PID1: variants seen among roughly 807,000 people sequenced by gnomAD.
PID1 encodes the protein phosphotyrosine interaction domain containing 1, also known as PTB-containing, cubilin and LRP1-interacting protein.
PID1 carries 10 observed loss-of-function variants against 19.1 expected under a neutral mutation model. The observed-to-expected ratio is 0.52, with a 90% confidence interval of 0.32 to 0.89. The LOEUF (loss-of-function observed/expected upper bound fraction) is 0.89, where lower values mean the gene tolerates loss of function less well. Among genes scored for constraint, PID1 ranks in the 40% least tolerant of loss-of-function variants. The pLI is 0.03. For synonymous variants in PID1, 130 were observed against 116.0 expected, an observed-to-expected ratio of 1.12 and a Z score of -0.78; for missense variants, 248 against 285.3, an observed-to-expected ratio of 0.87 and a Z score of 0.94.
chr2:229,208,495 T>C (rs1691657180), intron 1 of PID1, among the ~76,000 whole-genome samples: 1 of 152,192 alleles, frequency 6.6e-6, no homozygotes, highest in Non-Finnish European at 1.5e-5. Flanking sequence ...GAATAGGGAT[T>C]ATGAAACATA....
At chr2:229,199,745 T>TATATATATATATATATATATATAC (rs1491155550) in intron 1 of PID1, among the ~76,000 whole-genome samples, 3 of 122,536 alleles carry the variant, frequency 2.4e-5, no homozygotes, top group Non-Finnish European at 5.4e-5. Context: ...TATATATATA[T>TATATATATATATATATATATATAC]ACACATACAC....
chr2:229,256,498 T>C (rs1169355341), intron 1 of PID1, among the ~76,000 whole-genome samples: 1 of 152,210 alleles, frequency 6.6e-6, no homozygotes, highest in Non-Finnish European at 1.5e-5. Context: ...GCTGTCTTCT[T>C]CCTTCACTTG....
chr2:229,176,606 T>C (rs757328793), intron 1 of PID1, among the ~76,000 whole-genome samples: 1 of 152,250 alleles, frequency 6.6e-6, no homozygotes, highest in Non-Finnish European at 1.5e-5. Context: ...ACATCTACTA[T>C]GTTGTCTGTT....
At chr2:229,179,844 C>G (rs997919414) in intron 1 of PID1, among the ~76,000 whole-genome samples, 5 of 152,106 alleles carry the variant, frequency 3.3e-5, no homozygotes, top group Admixed American at 3.3e-4. Context: ...CTGAGCAGCA[C>G]GAAGCAAAAA....
chr2:229,030,533 A>G (rs1341997112), intron 2 of PID1, among the ~76,000 whole-genome samples: 3 of 152,220 alleles, frequency 2.0e-5, no homozygotes, highest in East Asian at 1.9e-4. Flanking sequence ...GAAACTAGAA[A>G]TAACTGTTTT....
At chr2:229,097,956 G>C (rs1347663459) in intron 2 of PID1, among the ~76,000 whole-genome samples, 4 of 152,136 alleles carry the variant, frequency 2.6e-5, no homozygotes, top group Non-Finnish European at 5.9e-5. Context: ...AATTCTGGGA[G>C]GTCAAACTCT....
At chr2:229,168,737 TGC>T (rs35083173) in intron 1 of PID1, among the ~76,000 whole-genome samples, 24,851 of 150,960 alleles carry the variant, frequency 0.16, 2,514 homozygotes, top group Non-Finnish European at 0.23. Context: ...TCTGTGTGTG[TGC>T]GTCTCATATA....
intron 1 of PID1, among the ~76,000 whole-genome samples, chr2:229,253,364 A>G (rs1690204652): frequency 6.6e-6 from 1 of 152,168 alleles, no homozygotes; most frequent in South Asian, 2.1e-4. Flanking sequence ...TCAGTGCAGC[A>G]ATTTGGCAGG....
In PID1 at chr2:229,078,551, T is replaced by C. The variant is rs147677567; in HGVS notation, c.178-52443A>G. The stretch of plus-strand genomic sequence containing the variant: ...GTGGGTTTGTCATAAACAGTTCTTA[T>C]TATTTTGAGATATGTTCCATCAATA... On this transcript the variant is annotated intron_variant, in intron 2 of 2. Coordinates refer to ENST00000392055, the MANE Select transcript of PID1 (RefSeq NM_001100818.2). Among the ~76,000 whole-genome samples, 1,124 of 152,336 alleles carry C rather than the reference T, an allele frequency of 7.4e-3. 19 individuals carry two copies. The highest frequency in any genetic ancestry group is 0.025 in the African/African-American group (1,059 of 41,584).
intron 2 of PID1, among the ~76,000 whole-genome samples, chr2:229,152,744 G>A (rs963814995): frequency 1.3e-5 from 2 of 151,986 alleles, no homozygotes; most frequent in East Asian, 1.9e-4. Context: ...AGGCAATCCC[G>A]TCAGGACCCA....
chr2:229,249,784 G>A (rs1574757902), intron 1 of PID1, among the ~76,000 whole-genome samples: 1 of 137,868 alleles, frequency 7.3e-6, no homozygotes, highest in East Asian at 2.0e-4. Context: ...CAGGGCAGGT[G>A]GCTGACAGGA....
At chr2:229,137,002 T>G (rs370832191) in intron 2 of PID1, among the ~76,000 whole-genome samples, 3 of 152,324 alleles carry the variant, frequency 2.0e-5, no homozygotes, top group South Asian at 4.1e-4. Context: ...TTCCTACTAC[T>G]AAGCTTTACT....
chr2:229,254,505 T>C (rs4629145), intron 1 of PID1, among the ~76,000 whole-genome samples: 1 of 152,204 alleles, frequency 6.6e-6, no homozygotes, highest in African/African-American at 2.4e-5. Flanking sequence ...TGAGCCAATA[T>C]ACATTCTTCT....
rs539058460 is a variant in PID1 at position 229,057,434 on chromosome 2, C to T, written c.178-31326G>A. 8.1e-5 allele frequency among the ~76,000 whole-genome samples: 12 copies of T among 147,314 alleles called. No homozygotes were observed. In the South Asian group the frequency reaches 1.1e-3, roughly 13 times the overall value. ...TCATGCCATTGCACTCCAGCCTGAG[C>T]GACAGGGCCAAACTCTGTCTAAAAA... On this transcript the variant is annotated intron_variant, in intron 2 of 2. Transcript: ENST00000392055.
intron 2 of PID1, among the ~76,000 whole-genome samples, chr2:229,067,219 C>A (rs1166227583): frequency 2.6e-5 from 4 of 152,092 alleles, no homozygotes; most frequent in Admixed American, 2.6e-4. Flanking sequence ...TAACTGCCCC[C>A]ATGATTAAAT....
At chr2:229,058,496 C>A (rs549080428) in intron 2 of PID1, among the ~76,000 whole-genome samples, 3 of 152,120 alleles carry the variant, frequency 2.0e-5, no homozygotes, top group Non-Finnish European at 4.4e-5. Context: ...CTGGTTATAC[C>A]GTGAAGATGT....
chr2:229,077,444 C>G (rs1397345241), intron 2 of PID1, among the ~76,000 whole-genome samples: 1 of 152,220 alleles, frequency 6.6e-6, no homozygotes, highest in Non-Finnish European at 1.5e-5. Context: ...ATGTTTTAGT[C>G]ATGAAGTCTT....
chr2:229,121,309 T>A (rs568167472), intron 2 of PID1, among the ~76,000 whole-genome samples: 1 of 152,324 alleles, frequency 6.6e-6, no homozygotes, highest in South Asian at 2.1e-4. Flanking sequence ...CTAGTTTATA[T>A]CTGGCTTATA....
At chr2:229,102,427 C>G (rs1695090888) in intron 2 of PID1, among the ~76,000 whole-genome samples, 1 of 152,170 alleles carries the variant, frequency 6.6e-6, no homozygotes, top group African/African-American at 2.4e-5. Context: ...AGTTAGAATT[C>G]TGAAGAGAGA....
Sources: allele counts gnomAD v4.1 joint callset (sites outside exome capture counted in the v4.1 genomes callset), GRCh38; gene constraint gnomAD v4.1.1; transcripts MANE v1.5; gene names NCBI Gene and HGNC (gene_info 2026-07-23, HGNC 2026-07-21).